DDHD1: variants seen among roughly 807,000 people sequenced by gnomAD.
The protein encoded by DDHD1 is DDHD domain containing 1, also known as phospholipase DDHD1.
Under a neutral mutation model 96.4 loss-of-function variants are expected in DDHD1, and 49 were observed. The observed-to-expected ratio is 0.51, with a 90% CI of 0.40 to 0.64. The LOEUF is 0.64. DDHD1 is among the 30% of genes least tolerant of loss of function. The pLI is 0.00. For synonymous variants in DDHD1, 442 were observed against 446.5 expected (o/e 0.99, Z 0.13); for missense variants, 1,106 against 1,161.2 (o/e 0.95, Z 0.69).
chr14:53,091,676 G>C (rs1271339122), intron 4 of DDHD1, 109 bp downstream of exon 4: 1 of 1,176,906 alleles, frequency 8.5e-7, no homozygotes, highest in Non-Finnish European at 1.2e-6. Context: ...AGAATAGTTG[G>C]CACTGGAGGA....
rs1368075479 is a variant in DDHD1, at chr14:53,039,843, C to T, written c.*6925G>A. The T allele has an allele frequency of 2.0e-5, 3 of 152,190 alleles. No individual in the cohort carries two copies. The highest frequency in any genetic ancestry group is 4.4e-5 in the Non-Finnish European group (3 of 68,078). 9.4% of individuals were successfully genotyped at this position (152,190 alleles called of 1,614,324 possible). A position where few individuals can be genotyped will look rare whatever the true frequency, so the allele number is the denominator to read the frequency against. ...CTATCCCCTTTCTCATAAACAATGCCTCTGAAATGTCTAAGCTGTCAGACT... is the reference window on the plus strand; with the variant it reads ...CTATCCCCTTTCTCATAAACAATGCTTCTGAAATGTCTAAGCTGTCAGACT... On this transcript the variant is annotated 3_prime_UTR_variant, in exon 13 of 13. Coordinates refer to ENST00000673822, the MANE Select transcript of DDHD1 (RefSeq NM_001160148.2).
intron 4 of DDHD1, among the ~76,000 whole-genome samples, chr14:53,082,995 A>T (rs991353465): frequency 1.3e-5 from 2 of 152,182 alleles, no homozygotes; most frequent in African/African-American, 4.8e-5. Context: ...GAAGACTCTA[A>T]ATGGGGACAC....
At chr14:53,103,408 A>G (rs1312609368) in intron 2 of DDHD1, 1 of 363,924 alleles carries the variant, frequency 2.7e-6, no homozygotes, top group African/African-American at 2.1e-5. Flanking sequence ...TTACTAAAAA[A>G]GATTAAATAG....
intron 1 of DDHD1, among the ~76,000 whole-genome samples, chr14:53,104,988 T>C (rs1375623800): frequency 1.3e-5 from 2 of 152,072 alleles, no homozygotes; most frequent in Non-Finnish European, 2.9e-5. Context: ...TTAGTAATAC[T>C]ATTTGTATTA....
At chr14:53,112,066 T>G (rs565529918) in intron 1 of DDHD1, among the ~76,000 whole-genome samples, 2 of 152,362 alleles carry the variant, frequency 1.3e-5, no homozygotes, top group East Asian at 3.9e-4. Context: ...ACATTGTCTG[T>G]GTCTCTACTG....
intron 9 of DDHD1, 99 bp downstream of exon 9, chr14:53,058,378 G>A: frequency 2.2e-6 from 3 of 1,361,242 alleles, no homozygotes; most frequent in Non-Finnish European, 1.0e-6. Context: ...GCCTCCCAAA[G>A]TGCTGGGATT....
chr14:53,107,144 C>A (rs1887748549), intron 1 of DDHD1, among the ~76,000 whole-genome samples: 1 of 152,034 alleles, frequency 6.6e-6, no homozygotes, highest in African/African-American at 2.4e-5. Context: ...TAGTATTGAA[C>A]CTTATAATGT....
At chr14:53,111,643 C>T (rs532961209) in intron 1 of DDHD1, among the ~76,000 whole-genome samples, 1 of 151,110 alleles carries the variant, frequency 6.6e-6, no homozygotes, top group African/African-American at 2.5e-5. Flanking sequence ...TACCCCCCCC[C>T]AAAAAAATAC....
intron 4 of DDHD1, among the ~76,000 whole-genome samples, chr14:53,088,110 C>T (rs1343745978): frequency 6.6e-6 from 1 of 152,154 alleles, no homozygotes; most frequent in African/African-American, 2.4e-5. Flanking sequence ...TCCCCCAAGA[C>T]TAAACCAGGA....
chr14:53,046,821 T>A lies in DDHD1; in HGVS notation c.2650A>T (p.Met884Leu). ...TCATCATCGTGCTCATGTTTATACA[T>A]GAAGGTTAAAAGAAAAAGGGCAACA... ...LDVALFLLTF[M>L]YKHEHDDDAK... Residue 884 changes from methionine (M) to leucine (L), a missense_variant, in exon 13 of 13, where the codon ATG becomes TTG. Physicochemically the swap from Met to Leu is conservative, Grantham distance 15. This residue lies in a region of DDHD1 where 650 missense variants were observed against 758.8 expected (regional missense o/e 0.86). Coordinates refer to ENST00000673822, the MANE Select transcript of DDHD1 (RefSeq NM_001160148.2). 5.0e-6 allele frequency: 8 copies of A among 1,612,588 alleles called. No homozygotes were observed. Among genetic ancestry groups the A allele is most frequent in the Non-Finnish European group, 6.8e-6 (8 of 1,179,278 alleles).
chr14:53,080,121 A>G (rs946416903), intron 4 of DDHD1, among the ~76,000 whole-genome samples: 1 of 152,206 alleles, frequency 6.6e-6, no homozygotes, highest in Non-Finnish European at 1.5e-5. Context: ...GCACTTTGGG[A>G]GGCCAAGGCA....
intron 1 of DDHD1, among the ~76,000 whole-genome samples, chr14:53,151,960 A>G (rs1284573113): frequency 1.3e-5 from 2 of 151,978 alleles, no homozygotes; most frequent in Non-Finnish European, 2.9e-5. Flanking sequence ...ACGAAATTAA[A>G]CCTCGGGCTG....
chr14:53,119,452 T>G (rs1265094843), intron 1 of DDHD1, among the ~76,000 whole-genome samples: 1 of 152,242 alleles, frequency 6.6e-6, no homozygotes, highest in Non-Finnish European at 1.5e-5. Context: ...TAACTCATTT[T>G]ATGAGGCCAG....
chr14:53,060,901 A>G lies in DDHD1; in HGVS notation c.1842+225T>C, dbSNP rs191080333. ...ATATATTGTTCTGTATACTGATAATAGCATCAATAATACTGTGCCATATAA... is the reference window on the plus strand; with the variant it reads ...ATATATTGTTCTGTATACTGATAATGGCATCAATAATACTGTGCCATATAA... On this transcript the variant is annotated intron_variant, in intron 8 of 12. Coordinates refer to ENST00000673822, the MANE Select transcript of DDHD1 (RefSeq NM_001160148.2). Among the ~76,000 whole-genome samples, 49 of 152,346 alleles carry G rather than the reference A, an allele frequency of 3.2e-4. 2 individuals carry two copies. The highest frequency in any genetic ancestry group is 1.2e-4 in the Non-Finnish European group (8 of 68,024).
At position 53,093,443 on chromosome 14, in the gene DDHD1, AG is replaced by A; in HGVS notation, c.1013del (p.Ala338ValfsTer7). 1 of 1,607,054 alleles carries A rather than the reference AG, an allele frequency of 6.2e-7. No individual in the cohort carries two copies. Among genetic ancestry groups the A allele is most frequent in the Non-Finnish European group, 8.5e-7 (1 of 1,178,096 alleles). On this transcript the variant is annotated frameshift_variant and splice_region_variant, in exon 3 of 13. Transcript: ENST00000673822. LOFTEE classifies it high-confidence loss of function. ...TTCGACTCAACTTGAAACTATGAAC[AG>A]CTATTGCAAAAAGGAAAAGCTAATT... ...EVSKSIDGKDAVHSFKLSRNH... is the reference protein window; with the variant it reads ...EVSKSIDGKDXVHSFKLSRNH...
intron 2 of DDHD1, among the ~76,000 whole-genome samples, chr14:53,096,965 T>A (rs1282601034): frequency 6.6e-6 from 1 of 151,946 alleles, no homozygotes; most frequent in African/African-American, 2.4e-5. Flanking sequence ...ATTTGGCAAA[T>A]CAGTAGATAA....
chr14:53,108,092 G>GT (rs1887831699), intron 1 of DDHD1, among the ~76,000 whole-genome samples: 1 of 152,136 alleles, frequency 6.6e-6, no homozygotes, highest in Non-Finnish European at 1.5e-5. Context: ...TCTGGTCCGT[G>GT]TTTGTTACGG....
intron 1 of DDHD1, among the ~76,000 whole-genome samples, chr14:53,128,692 A>C (rs75567949): frequency 1.3e-5 from 2 of 152,250 alleles, no homozygotes; most frequent in African/African-American, 4.8e-5. Flanking sequence ...CCAGAAGCCA[A>C]CAGTTCTGAT....
At chr14:53,138,892 C>T (rs1396083520) in intron 1 of DDHD1, among the ~76,000 whole-genome samples, 4 of 151,994 alleles carry the variant, frequency 2.6e-5, no homozygotes. Flanking sequence ...GAAAAAATAT[C>T]CCCTTCATAG....
Sources: allele counts gnomAD v4.1 joint callset (sites outside exome capture counted in the v4.1 genomes callset), GRCh38; gene constraint gnomAD v4.1.1; regional missense constraint gnomAD v4.1.1; transcripts MANE v1.5; gene names NCBI Gene and HGNC (gene_info 2026-07-23, HGNC 2026-07-21).